GRAMD1C: variants seen among roughly 807,000 people sequenced by gnomAD.
GRAMD1C encodes the protein protein Aster-C.
GRAMD1C carries 89 observed loss-of-function variants against 97.8 expected under a neutral mutation model. The observed-to-expected ratio is 0.91, with a 90% CI of 0.77 to 1.09. The LOEUF (loss-of-function observed/expected upper bound fraction) is 1.09, where lower values mean the gene tolerates loss of function less well. Among genes scored for constraint, GRAMD1C ranks in the 50% least tolerant of loss-of-function variants. The probability of loss-of-function intolerance (pLI) is 0.00; values close to 1 mark genes in which losing one functional copy is unlikely to be tolerated. For synonymous variants in GRAMD1C, 256 were observed against 267.0 expected (o/e 0.96, Z 0.40); for missense variants, 740 against 766.4 (o/e 0.97, Z 0.41).
intron 9 of GRAMD1C, chr3:113,913,307 C>G (rs1376324797): frequency 3.0e-6 from 1 of 335,638 alleles, no homozygotes; most frequent in Non-Finnish European, 5.8e-6. Context: ...GGTGGGTCAA[C>G]TGAGGTCAGG....
intron 11 of GRAMD1C, among the ~76,000 whole-genome samples, chr3:113,931,696 A>T (rs930234428): frequency 1.8e-4 from 28 of 152,164 alleles, no homozygotes; most frequent in African/African-American, 6.5e-4. Flanking sequence ...TGAGAGGCCC[A>T]GGTGGGAGGA....
Position 113,908,978 on chromosome 3 carries a change from C to G in GRAMD1C, c.810C>G (p.Ser270=), listed in dbSNP as rs1936466753. 6.4e-7 allele frequency: 1 copy of G among 1,572,794 alleles called. No homozygotes were observed. Among genetic ancestry groups the G allele is most frequent in the Non-Finnish European group, 8.6e-7 (1 of 1,165,376 alleles). ...TTTAGGGATTAGGCAAAGAGGAGTCCCAAAATGAGAAACAGACCAAAAAGA... is the reference window on the plus strand; with the variant it reads ...TTTAGGGATTAGGCAAAGAGGAGTCGCAAAATGAGAAACAGACCAAAAAGA... ...SSKGGLGKEE[S]QNEKQTKKSL... Residue 270 remains serine (S), a synonymous_variant, in exon 9 of 18, where the codon TCC becomes TCG. Coordinates refer to ENST00000358160, the MANE Select transcript of GRAMD1C (RefSeq NM_017577.5).
chr3:113,933,001 C>T (rs111345377), intron 11 of GRAMD1C, among the ~76,000 whole-genome samples: 5 of 152,006 alleles, frequency 3.3e-5, no homozygotes, highest in African/African-American at 1.2e-4. Flanking sequence ...CCTGCCTCAG[C>T]CTCCCACCGA....
In GRAMD1C at chr3:113,875,560, T is replaced by C. The variant is rs777235952; in HGVS notation, c.336T>C (p.Tyr112=). The C allele has an allele frequency of 1.3e-6, 2 of 1,501,076 alleles. No homozygotes were observed. The highest frequency in any genetic ancestry group is 2.2e-5 in the South Asian group (2 of 88,970). 93.0% of individuals were successfully genotyped at this position (1,501,076 alleles called of 1,614,324 possible). ...TTTCAGAAAACTGGCTATGTTTCTATAGCAACATCTTCAGATGGGAAACTA... is the reference window on the plus strand; with the variant it reads ...TTTCAGAAAACTGGCTATGTTTCTACAGCAACATCTTCAGATGGGAAACTA... ...LYLSENWLCF[Y]SNIFRWETTI... Residue 112 remains tyrosine, a synonymous_variant, in exon 4 of 18, where the codon TAT becomes TAC. Transcript: ENST00000358160.
At chr3:113,887,575 C>T (rs955056930) in intron 6 of GRAMD1C, among the ~76,000 whole-genome samples, 1 of 148,346 alleles carries the variant, frequency 6.7e-6, no homozygotes, top group Non-Finnish European at 1.5e-5. Flanking sequence ...TGGTAGGGCA[C>T]CTGTAGTCCC....
chr3:113,875,196 C>T (rs1196566352), intron 3 of GRAMD1C, among the ~76,000 whole-genome samples: 1 of 152,006 alleles, frequency 6.6e-6, no homozygotes, highest in African/African-American at 2.4e-5. Flanking sequence ...CTCATACCTG[C>T]CTATGCTCTC....
chr3:113,938,217 ATGTATT>A, intron 15 of GRAMD1C, 74 bp downstream of exon 15: 2 of 707,292 alleles, frequency 2.8e-6, no homozygotes, highest in Non-Finnish European at 4.6e-6. Context: ...AAGAATTTGA[ATGTATT>A]TGTATATTAT....
At chr3:113,858,674 G>A (rs564512839) in intron 2 of GRAMD1C, among the ~76,000 whole-genome samples, 18 of 152,174 alleles carry the variant, frequency 1.2e-4, no homozygotes, top group African/African-American at 3.9e-4. Context: ...GATTACAGGC[G>A]TGAGCCACTG....
chr3:113,844,449 T>A (rs1933517549), intron 1 of GRAMD1C, 54 bp from the exon 2 acceptor site: 4 of 1,261,478 alleles, frequency 3.2e-6, no homozygotes, highest in Non-Finnish European at 4.6e-6. Context: ...TTTTTTCTTT[T>A]TAAAATGGCC....
chr3:113,877,690 G>A (rs1386846296), intron 5 of GRAMD1C, among the ~76,000 whole-genome samples: 1 of 152,060 alleles, frequency 6.6e-6, no homozygotes. Flanking sequence ...ACCATTACTG[G>A]TCATATTTAC....
Position 113,936,355 on chromosome 3 carries a change from T to G in GRAMD1C, c.1546T>G (p.Phe516Val). Residue 516 changes from phenylalanine to valine, a missense_variant, in exon 14 of 18, where the codon TTC (phenylalanine) becomes GTC (valine). By Grantham distance (50) the Phe-to-Val change is conservative (BLOSUM62 -1). Transcript: ENST00000358160. ...LTGLRRRRRTFNRTAETVPKL... is the reference protein window; with the variant it reads ...LTGLRRRRRTVNRTAETVPKL... ...TGGCCTACGAAGGAGAAGGCGAACC[T>G]TCAACCGAACAGCAGAAACAGTTCC... The G allele has an allele frequency of 6.2e-7, 1 of 1,613,150 alleles. No homozygotes were observed. Among genetic ancestry groups the G allele is most frequent in the Non-Finnish European group, 8.5e-7 (1 of 1,179,144 alleles).
At chr3:113,895,563 T>C (rs1378913553) in intron 6 of GRAMD1C, among the ~76,000 whole-genome samples, 1 of 152,176 alleles carries the variant, frequency 6.6e-6, no homozygotes, top group Non-Finnish European at 1.5e-5. Flanking sequence ...AGTTTTCCAG[T>C]AGTGCTATCA....
intron 6 of GRAMD1C, among the ~76,000 whole-genome samples, chr3:113,883,331 C>T (rs780827897): frequency 8.6e-4 from 131 of 151,988 alleles, no homozygotes; most frequent in Non-Finnish European, 1.4e-3. Flanking sequence ...TTGAGACCAC[C>T]CTGGGTAACA....
chr3:113,933,527 G>A lies in GRAMD1C; in HGVS notation c.1226G>A (p.Ser409Asn). 4 of 1,611,610 alleles carry A rather than the reference G, an allele frequency of 2.5e-6. No individual in the cohort carries two copies. Among genetic ancestry groups the A allele is most frequent in the Non-Finnish European group, 3.4e-6 (4 of 1,177,760 alleles). Residue 409 changes from serine to asparagine, a missense_variant, in exon 12 of 18, where the codon AGT becomes AAT. Coordinates refer to ENST00000358160, the MANE Select transcript of GRAMD1C (RefSeq NM_017577.5). ...ATEKQTLYKE[S>N]REARFYLVDS... ...CTTTGGCAGACACTGTATAAAGAAA[G>A]TCGGGAAGCACGATTTTATTTGGTA...
intron 5 of GRAMD1C, among the ~76,000 whole-genome samples, chr3:113,879,843 G>A (rs899923024): frequency 3.3e-5 from 5 of 151,808 alleles, no homozygotes; most frequent in South Asian, 2.1e-4. Context: ...ACAGGTGCCC[G>A]CCACCATGCC....
At chr3:113,874,769 A>AAATATGTCTT (rs1483012556) in intron 3 of GRAMD1C, among the ~76,000 whole-genome samples, 1 of 152,154 alleles carries the variant, frequency 6.6e-6, no homozygotes, top group African/African-American at 2.4e-5. Context: ...ACTACCTCCT[A>AAATATGTCTT]AATATGTCTT....
rs1457639761 is a variant in GRAMD1C, at chr3:113,936,413, T to C, written c.1604T>C (p.Val535Ala). The C allele has an allele frequency of 1.9e-6, 3 of 1,611,000 alleles. No homozygotes were observed. ...TCCTCTCAGCATTCCTCTGGAGATG[T>C]GGGCTTAGGTGCCAAAGGGGATATT... ...KLSSQHSSGD[V>A]GLGAKGDITG... Residue 535 changes from valine (V) to alanine (A), a missense_variant, in exon 14 of 18, where the codon GTG (valine) becomes GCG (alanine). Physicochemically the swap from Val to Ala is moderately conservative, Grantham distance 64. Coordinates refer to ENST00000358160, the MANE Select transcript of GRAMD1C (RefSeq NM_017577.5).
intron 11 of GRAMD1C, among the ~76,000 whole-genome samples, chr3:113,931,821 G>A (rs1204118803): frequency 6.6e-6 from 1 of 152,086 alleles, no homozygotes; most frequent in Non-Finnish European, 1.5e-5. Context: ...ACCTACTCAG[G>A]AGGCTGAGGC....
chr3:113,912,872 A>G (rs1370120427), intron 9 of GRAMD1C, among the ~76,000 whole-genome samples: 3 of 152,226 alleles, frequency 2.0e-5, no homozygotes, highest in Non-Finnish European at 4.4e-5. Flanking sequence ...AGCAAAAAAT[A>G]TAATAAAAGT....
Sources: gnomAD v4.1 joint callset for allele counts (sites outside exome capture counted in the v4.1 genomes callset) on GRCh38, gnomAD v4.1.1 for gene constraint, MANE v1.5 for transcripts, NCBI Gene and HGNC (gene_info 2026-07-23, HGNC 2026-07-21) for gene names.